The following AIM2 variants were observed in gnomAD, a reference collection of about 807,000 sequenced individuals.
The protein encoded by AIM2 is absent in melanoma 2.
AIM2 carries 30 observed loss-of-function variants against 27.7 expected under a neutral mutation model. The observed-to-expected ratio is 1.08, with a 90% CI of 0.81 to 1.47. The LOEUF (loss-of-function observed/expected upper bound fraction) is 1.47, where lower values mean the gene tolerates loss of function less well. Among genes scored for constraint, AIM2 ranks in the 40% most tolerant of loss-of-function variants. The pLI, the probability that AIM2 is intolerant of heterozygous loss-of-function variation, is 0.00. For synonymous variants in AIM2, 141 were observed against 145.3 expected, an observed-to-expected ratio of 0.97 and a Z score of 0.21; for missense variants, 358 against 411.3, an observed-to-expected ratio of 0.87 and a Z score of 1.12.
chr1:159,090,983 C>T (rs1031416095), intron 1 of AIM2, among the ~76,000 whole-genome samples: 1 of 152,126 alleles, frequency 6.6e-6, no homozygotes, highest in Non-Finnish European at 1.5e-5. Context: ...TCCTGAGTAA[C>T]TTCCTATTGA....
At chr1:159,096,659 C>T (rs1221949278) in intron 1 of AIM2, among the ~76,000 whole-genome samples, 1 of 152,040 alleles carries the variant, frequency 6.6e-6, no homozygotes, top group African/African-American at 2.4e-5. Flanking sequence ...TGATCATAGA[C>T]AGAATTGCAA....
At chr1:159,119,264 C>T (rs1647465938) in intron 1 of AIM2, among the ~76,000 whole-genome samples, 1 of 152,050 alleles carries the variant, frequency 6.6e-6, no homozygotes, top group African/African-American at 2.4e-5. Flanking sequence ...AGCATAACCT[C>T]TCTATCCTGA....
rs752546354 is a variant in AIM2 at position 159,073,248 on chromosome 1, C to T, written c.252G>A (p.Glu84=). 2 of 1,614,088 alleles carry T rather than the reference C, an allele frequency of 1.2e-6. No individual in the cohort carries two copies. The highest frequency in any genetic ancestry group is 4.5e-5 in the East Asian group (2 of 44,886). The stretch of plus-strand genomic sequence containing the variant: ...GAACTCCCACATTACCTTTCTCCTT[C>T]TCCTCCTGAAGACGTTTTGCCAAAA... ...YMLLAKRLQE[E]KEKVDKQYKS... Residue 84 remains glutamate (E), a synonymous_variant, in exon 2 of 6, where the codon GAG becomes GAA. Coordinates refer to ENST00000368130, the MANE Select transcript of AIM2 (RefSeq NM_004833.3).
downstream of AIM2, chr1:159,062,440 T>G (rs1655866870): frequency 3.7e-5 from 20 of 539,240 alleles, no homozygotes; most frequent in East Asian, 9.2e-5. Flanking sequence ...TATTTTCGCT[T>G]GAGACAAGGG....
At chr1:159,143,866 T>C (rs1419469556), upstream of AIM2, among the ~76,000 whole-genome samples, 1 of 152,192 alleles carries the variant, frequency 6.6e-6, no homozygotes, top group Non-Finnish European at 1.5e-5. Context: ...GAGAATCCCA[T>C]AGGCAAATTC....
intron 1 of AIM2, among the ~76,000 whole-genome samples, chr1:159,146,771 A>G (rs1557919314): frequency 6.6e-6 from 1 of 152,044 alleles, no homozygotes; most frequent in Non-Finnish European, 1.5e-5. Flanking sequence ...TGAGCTTCCC[A>G]GGCCTCTAAA....
chr1:159,069,003 A>T (rs941960826), intron 2 of AIM2, among the ~76,000 whole-genome samples: 1 of 152,034 alleles, frequency 6.6e-6, no homozygotes, highest in Non-Finnish European at 1.5e-5. Flanking sequence ...TTAGCCAGGT[A>T]TAATGGCACA....
chr1:159,107,383 A>C (rs1291879901), intron 1 of AIM2, among the ~76,000 whole-genome samples: 1 of 152,068 alleles, frequency 6.6e-6, no homozygotes, highest in Non-Finnish European at 1.5e-5. Flanking sequence ...CAGGATACGA[A>C]AAATGGATCA....
At chr1:159,094,893 G>A (rs186976373) in intron 1 of AIM2, among the ~76,000 whole-genome samples, 1 of 151,866 alleles carries the variant, frequency 6.6e-6, no homozygotes, top group Admixed American at 6.6e-5. Context: ...ATTATTCTTA[G>A]TCTAGGCTGC....
chr1:159,116,765 A>G (rs1647362946), intron 1 of AIM2, among the ~76,000 whole-genome samples: 1 of 152,014 alleles, frequency 6.6e-6, no homozygotes, highest in Admixed American at 6.6e-5. Context: ...GCACACCAAC[A>G]TGGCACATGT....
At chr1:159,087,573 CTTT>C (rs55908329) in intron 1 of AIM2, among the ~76,000 whole-genome samples, 22 of 116,804 alleles carry the variant, frequency 1.9e-4, no homozygotes, top group Non-Finnish European at 2.3e-4. Flanking sequence ...TGGATAAAGT[CTTT>C]TTTTTTTTTT....
chr1:159,100,711 C>A (rs1408622303), intron 1 of AIM2, among the ~76,000 whole-genome samples: 1 of 152,210 alleles, frequency 6.6e-6, no homozygotes, highest in East Asian at 1.9e-4. Flanking sequence ...GAAGAGGAAG[C>A]TAAAGTCAAA....
chr1:159,092,128 T>C (rs948833101), intron 1 of AIM2, among the ~76,000 whole-genome samples: 3 of 152,200 alleles, frequency 2.0e-5, no homozygotes, highest in Non-Finnish European at 4.4e-5. Context: ...ATATTTGCTG[T>C]AGGAAACAAA....
At chr1:159,098,881 T>C (rs1477367609) in intron 1 of AIM2, among the ~76,000 whole-genome samples, 1 of 152,194 alleles carries the variant, frequency 6.6e-6, no homozygotes, top group Non-Finnish European at 1.5e-5. Context: ...TTTCTGGTTA[T>C]GATGAGTGCT....
chr1:159,067,276 T>G (rs1656145255), intron 3 of AIM2, among the ~76,000 whole-genome samples: 1 of 152,242 alleles, frequency 6.6e-6, no homozygotes. Context: ...GATAATTTTA[T>G]TCTCTTCTCT....
At chr1:159,107,938 G>A (rs965340396) in intron 1 of AIM2, among the ~76,000 whole-genome samples, 2 of 152,082 alleles carry the variant, frequency 1.3e-5, no homozygotes, top group African/African-American at 4.8e-5. Context: ...AAAAGTCCAG[G>A]ACCAGACAGA....
At chr1:159,069,630 C>T (rs1466577472) in intron 2 of AIM2, among the ~76,000 whole-genome samples, 1 of 151,782 alleles carries the variant, frequency 6.6e-6, no homozygotes, top group Non-Finnish European at 1.5e-5. Context: ...GCAACCTCTG[C>T]CTCCTGGGTT....
At chr1:159,079,346 A>G (rs75783140), upstream of AIM2, among the ~76,000 whole-genome samples, 1,263 of 152,276 alleles carry the variant, frequency 8.3e-3, 14 homozygotes, top group African/African-American at 0.029. Flanking sequence ...ATGCCTAGAA[A>G]AGAATAAAAT....
chr1:159,113,534 A>G (rs886130658), intron 1 of AIM2, among the ~76,000 whole-genome samples: 2 of 152,246 alleles, frequency 1.3e-5, no homozygotes, highest in African/African-American at 4.8e-5. Flanking sequence ...GACGACTTCT[A>G]TACTTTCAGT....
Sources: allele counts gnomAD v4.1 joint callset (sites outside exome capture counted in the v4.1 genomes callset), GRCh38; gene constraint gnomAD v4.1.1; transcripts MANE v1.5; gene names NCBI Gene and HGNC (gene_info 2026-07-23, HGNC 2026-07-21).